NHERF2: variants seen among roughly 807,000 people sequenced by gnomAD.
The protein encoded by NHERF2 is Na(+)/H(+) exchange regulatory cofactor NHE-RF2.
the NHERF2 span, chr16:2,037,095 T>A: frequency 7.1e-7 from 1 of 1,400,780 alleles, no homozygotes; most frequent in Non-Finnish European, 9.8e-7. Flanking sequence ...CCTCGAGGTG[T>A]GCTAGTGACA....
the NHERF2 span, chr16:2,037,903 G>T: frequency 6.2e-7 from 1 of 1,611,294 alleles, no homozygotes; most frequent in Non-Finnish European, 8.5e-7. Flanking sequence ...AGGCCAAGGA[G>T]AAGGCTCGAG....
the NHERF2 span, chr16:2,036,273 T>C: frequency 6.5e-7 from 1 of 1,527,446 alleles, no homozygotes; most frequent in Non-Finnish European, 8.9e-7. Context: ...GAGTGGCCTC[T>C]GGAGGCGGGA....
the NHERF2 span, among the ~76,000 whole-genome samples, chr16:2,029,081 C>G: frequency 2.0e-5 from 3 of 152,228 alleles, no homozygotes; most frequent in Non-Finnish European, 4.4e-5. Context: ...GACTCCCACA[C>G]TGCACGGCAG....
the NHERF2 span, chr16:2,035,292 A>T: frequency 3.5e-6 from 2 of 572,264 alleles, no homozygotes; most frequent in Non-Finnish European, 4.4e-6. Flanking sequence ...TGGGGTTTGG[A>T]GCGAGCTTGA....
At chr16:2,029,725 G>A in the NHERF2 span, 1 of 1,556,692 alleles carries the variant, frequency 6.4e-7, no homozygotes, top group Non-Finnish European at 8.7e-7. Context: ...ACGACCCCTG[G>A]GAGCCGAAGC....
chr16:2,033,060 C>T, the NHERF2 span: 37 of 1,304,348 alleles, frequency 2.8e-5, no homozygotes, highest in East Asian at 1.0e-3. Flanking sequence ...TCCTCCCTGT[C>T]CCCTCAGCCC....
At chr16:2,038,236 AG>A in the NHERF2 span, 1 of 585,162 alleles carries the variant, frequency 1.7e-6, no homozygotes, top group Non-Finnish European at 3.0e-6. Flanking sequence ...AGAGAGAGAG[AG>A]AGACACAGAG....
chr16:2,036,476 C>G, the NHERF2 span: 4 of 1,598,118 alleles, frequency 2.5e-6, no homozygotes, highest in Non-Finnish European at 3.4e-6. Flanking sequence ...CCCGCTCTGG[C>G]CTCCGCGCCC....
the NHERF2 span, chr16:2,029,673 C>A: frequency 1.3e-6 from 2 of 1,564,488 alleles, no homozygotes; most frequent in Non-Finnish European, 1.7e-6. Flanking sequence ...CGGCAGCTGA[C>A]CTGTACCGAG....
chr16:2,033,559 T>G, the NHERF2 span: 274 of 888,450 alleles, frequency 3.1e-4, no homozygotes, highest in East Asian at 4.8e-4. Context: ...ATGAAGGCCT[T>G]TCTCTGCCAG....
the NHERF2 span, chr16:2,038,124 C>T: frequency 2.8e-6 from 3 of 1,083,680 alleles, no homozygotes; most frequent in Non-Finnish European, 4.0e-6. Context: ...CCCCGGTGAG[C>T]CCCCATCCTG....
chr16:2,030,328 C>T, the NHERF2 span, among the ~76,000 whole-genome samples: 6 of 152,132 alleles, frequency 3.9e-5, no homozygotes, highest in Admixed American at 3.9e-4. Flanking sequence ...GTTGGGGGTC[C>T]AGGAGGCTCC....
chr16:2,037,534 C>T, the NHERF2 span: 3 of 1,609,892 alleles, frequency 1.9e-6, no homozygotes, highest in East Asian at 2.2e-5. Context: ...CCTTGGTTTC[C>T]CAGCTCAATG....
the NHERF2 span, among the ~76,000 whole-genome samples, chr16:2,033,607 C>G: frequency 6.6e-6 from 1 of 152,170 alleles, no homozygotes; most frequent in Non-Finnish European, 1.5e-5. Context: ...GCCCAGGGTA[C>G]CCCCATGCCA....
the NHERF2 span, chr16:2,027,065 C>A: frequency 7.0e-7 from 1 of 1,438,244 alleles, no homozygotes; most frequent in Non-Finnish European, 9.1e-7. Flanking sequence ...GAGAGCAGGG[C>A]TACGGCTTCC....
chr16:2,038,355 C>T, the NHERF2 span: 2 of 463,472 alleles, frequency 4.3e-6, no homozygotes, highest in East Asian at 6.4e-5. Context: ...GCTTTTTTTC[C>T]AAAAAGATCT....
chr16:2,029,654 C>T, the NHERF2 span: 2 of 1,570,698 alleles, frequency 1.3e-6, no homozygotes, highest in South Asian at 2.3e-5. Flanking sequence ...AGATGAGGAG[C>T]TCCGCCGGCG....
At chr16:2,033,315 C>T in the NHERF2 span, 1 of 1,532,918 alleles carries the variant, frequency 6.5e-7, no homozygotes, top group Non-Finnish European at 8.7e-7. Flanking sequence ...GCCACCCCGG[C>T]CGGACGCCTG....
the NHERF2 span, among the ~76,000 whole-genome samples, chr16:2,030,246 C>A: frequency 2.5e-4 from 38 of 152,168 alleles, no homozygotes; most frequent in Non-Finnish European, 4.9e-4. Flanking sequence ...ACAGGCAGCG[C>A]CGTGGTTGGG....
Sources: allele counts gnomAD v4.1 joint callset (sites outside exome capture counted in the v4.1 genomes callset), GRCh38; gene constraint gnomAD v4.1.1; transcripts MANE v1.5; gene names NCBI Gene and HGNC (gene_info 2026-07-23, HGNC 2026-07-21).